Variants in RNF144B observed in about 807,000 individuals in gnomAD.
RNF144B encodes E3 ubiquitin-protein ligase RNF144B.
In RNF144B, 25 loss-of-function variants were observed where a neutral mutation model predicts 40.2. The ratio of observed to expected loss-of-function variants is 0.62; its 90% CI spans 0.45 to 0.87. RNF144B has a LOEUF of 0.87. RNF144B is among the 40% of genes least tolerant of loss of function. The pLI is 0.00. For synonymous variants in RNF144B, 145 were observed against 136.3 expected, an observed-to-expected ratio of 1.06 and a Z score of -0.44; for missense variants, 365 against 373.7, an observed-to-expected ratio of 0.98 and a Z score of 0.19.
At chr6:18,396,455 T>C in intron 1 of RNF144B, 1 of 984,016 alleles carries the variant, frequency 1.0e-6, no homozygotes, top group Non-Finnish European at 1.2e-6. Context: ...TACTTGGATT[T>C]CTCGAAGAGT....
At position 18,465,207 on chromosome 6, in the gene RNF144B, G is replaced by C. The variant is rs1006779339; in HGVS notation, c.*140G>C. On this transcript the variant is annotated 3_prime_UTR_variant, in exon 8 of 8. Coordinates refer to ENST00000259939, the MANE Select transcript of RNF144B (RefSeq NM_182757.4). ...GTCCAGACTTTGAACTTGCCTGCCA[G>C]CCTTCAGCATCAGGAAAGGCCAAGT... is the stretch of plus-strand genomic sequence containing the variant. 2.0e-5 allele frequency: 16 copies of C among 805,802 alleles called. No individual in the cohort carries two copies. In the African/African-American group the frequency reaches 2.6e-4, roughly 13 times the overall value. The allele number at this position is 805,802 out of a possible 1,614,324, so 49.9% of individuals were successfully genotyped here.
intron 3 of RNF144B, among the ~76,000 whole-genome samples, chr6:18,429,522 G>A (rs114087110): frequency 1.2e-4 from 19 of 152,226 alleles, no homozygotes; most frequent in African/African-American, 4.6e-4. Context: ...AGTATAAAAG[G>A]AATATCTGTT....
Position 18,457,420 on chromosome 6 carries a change from C to T in RNF144B, c.536+61C>T. ...TAGTTTTCTTAGAAATTCAACATAC[C>T]TTACGTGTAGAAGGAGTTACGTTGT... On this transcript the variant is annotated intron_variant, in intron 5 of 7. Transcript: ENST00000259939. The surrounding 1 kb of genome is among the most constrained non-coding windows in gnomAD (Gnocchi z 5.1). 1 of 1,268,634 alleles carries T rather than the reference C, an allele frequency of 7.9e-7. No individual in the cohort carries two copies. Among genetic ancestry groups the T allele is most frequent in the South Asian group, 1.2e-5 (1 of 83,972 alleles). The allele number at this position is 1,268,634 out of a possible 1,614,324, so 78.6% of individuals were successfully genotyped here. A position where few individuals can be genotyped will look rare whatever the true frequency, so the allele number is the denominator to read the frequency against.
rs1190645138 is a variant in RNF144B at position 18,459,721 on chromosome 6, A to C, written c.651A>C (p.Thr217=). 1.1e-5 allele frequency: 18 copies of C among 1,613,932 alleles called. No individual in the cohort carries two copies. Among genetic ancestry groups the C allele is most frequent in the Non-Finnish European group, 1.5e-5 (18 of 1,179,950 alleles). The part of the protein sequence containing the change: ...AQMMCKNCKH[T]FCWYCLQNLD... ...TGATGTGCAAAAACTGCAAGCATAC[A>C]TTTTGCTGGTACTGCCTCCAGAACT... The change falls in exon 6 of 8, where the codon ACA becomes ACC. Residue 217 remains threonine (T), a synonymous_variant. Coordinates refer to ENST00000259939, the MANE Select transcript of RNF144B (RefSeq NM_182757.4). The surrounding 1 kb of genome is among the most constrained non-coding windows in gnomAD (Gnocchi z 4.2).
chr6:18,446,806 A>G lies in RNF144B; in HGVS notation c.331+7062A>G, dbSNP rs1011587208. Among the ~76,000 whole-genome samples, 7 of 151,190 alleles carry G rather than the reference A, an allele frequency of 4.6e-5. No individual in the cohort carries two copies. Among genetic ancestry groups the G allele is most frequent in the African/African-American group, 1.7e-4 (7 of 40,940 alleles). ...AGGGATGCTGCTCAACATCTAATGC[A>G]TCATTCATTAAAGTTTTATTGGTTC... On this transcript the variant is annotated intron_variant, in intron 4 of 7. Transcript: ENST00000259939. This position sits in a 1 kb window ranked among gnomAD's most constrained non-coding sequence, Gnocchi z 4.7.
intron 2 of RNF144B, among the ~76,000 whole-genome samples, chr6:18,409,880 T>G (rs773171224): frequency 6.6e-6 from 1 of 152,148 alleles, no homozygotes; most frequent in Non-Finnish European, 1.5e-5. Flanking sequence ...CTACATAACA[T>G]TTTTTACTTC....
rs1473211567 is a variant in RNF144B, at chr6:18,398,701, T to C, written c.-36-798T>C. ...GAGCCACTGCGCCCAGCCTCATTCT[T>C]CTGCTGATGGACACTTGGGTTGCCT... is the stretch of plus-strand genomic sequence containing the variant. On this transcript the variant is annotated intron_variant, in intron 1 of 7. Transcript: ENST00000259939. This position sits in a 1 kb window ranked among gnomAD's most constrained non-coding sequence, Gnocchi z 5.0. Among the ~76,000 whole-genome samples, 1 of 152,182 alleles carries C rather than the reference T, an allele frequency of 6.6e-6. No individual in the cohort carries two copies. Among genetic ancestry groups the C allele is most frequent in the Non-Finnish European group, 1.5e-5 (1 of 68,032 alleles).
chr6:18,429,718 G>A (rs1485320223), intron 3 of RNF144B, among the ~76,000 whole-genome samples: 1 of 152,186 alleles, frequency 6.6e-6, no homozygotes, highest in Admixed American at 6.5e-5. Context: ...TTTAAAATGA[G>A]TCTTGGGTAT....
In RNF144B at chr6:18,442,086, G is replaced by T. The variant is rs12203130; in HGVS notation, c.331+2342G>T. On this transcript the variant is annotated intron_variant, in intron 4 of 7. Coordinates refer to ENST00000259939, the MANE Select transcript of RNF144B (RefSeq NM_182757.4). The surrounding 1 kb of genome is among the most constrained non-coding windows in gnomAD (Gnocchi z 4.3). The stretch of plus-strand genomic sequence containing the variant: ...TTGAAGTTAATTGGCAACATCCATC[G>T]TTATGTGGGGCAAGGTAGATGTGGA... Among the ~76,000 whole-genome samples, 18,996 of 152,140 alleles carry T rather than the reference G, an allele frequency of 0.12. 1,364 individuals are homozygous for T. The highest frequency in any genetic ancestry group is 0.19 in the Admixed American group (2,955 of 15,282).
rs537526368 is a variant in RNF144B at position 18,410,900 on chromosome 6, G to A, written c.165+11201G>A. Among the ~76,000 whole-genome samples, 24 of 152,164 alleles carry A rather than the reference G, an allele frequency of 1.6e-4. No homozygotes were observed. The highest frequency in any genetic ancestry group is 3.2e-4 in the Non-Finnish European group (22 of 68,002). On this transcript the variant is annotated intron_variant, in intron 2 of 7. Coordinates refer to ENST00000259939, the MANE Select transcript of RNF144B (RefSeq NM_182757.4). The surrounding 1 kb of genome is among the most constrained non-coding windows in gnomAD (Gnocchi z 4.6). ...GCAGACTGCAGTTTTGATGCCTGGA[G>A]TATTTAAATTATTTTTGTGCCCCAA... is the stretch of plus-strand genomic sequence containing the variant.
At chr6:18,415,982 C>A (rs1187495886) in intron 2 of RNF144B, among the ~76,000 whole-genome samples, 1 of 151,990 alleles carries the variant, frequency 6.6e-6, no homozygotes, top group African/African-American at 2.4e-5. Flanking sequence ...ATGCTGAATC[C>A]GTGGTATGCT....
intron 4 of RNF144B, 44 bp downstream of exon 4, chr6:18,439,788 A>C (rs79723460): frequency 1.5e-6 from 2 of 1,359,330 alleles, no homozygotes; most frequent in Admixed American, 3.4e-5. Flanking sequence ...GTGGTTTTAC[A>C]TGTGTCATTT....
chr6:18,460,626 G>T lies in RNF144B; in HGVS notation c.681+875G>T, dbSNP rs183825703. On this transcript the variant is annotated intron_variant, in intron 6 of 7. Coordinates refer to ENST00000259939, the MANE Select transcript of RNF144B (RefSeq NM_182757.4). This position sits in a 1 kb window ranked among gnomAD's most constrained non-coding sequence, Gnocchi z 4.4. Reference sequence around the variant, plus strand: ...CATGCTCTCTTGCATGCTCTCACTCGCTCTCTCTCTCTCTTGTTCATGAGC... The same window carrying T: ...CATGCTCTCTTGCATGCTCTCACTCTCTCTCTCTCTCTCTTGTTCATGAGC... 6.6e-6 allele frequency among the ~76,000 whole-genome samples: 1 copy of T among 150,910 alleles called. No homozygotes were observed. The highest frequency in any genetic ancestry group is 1.5e-5 in the Non-Finnish European group (1 of 67,704).
At chr6:18,436,280 G>T (rs1758822807) in intron 3 of RNF144B, among the ~76,000 whole-genome samples, 1 of 152,140 alleles carries the variant, frequency 6.6e-6, no homozygotes, top group Non-Finnish European at 1.5e-5. Context: ...ATAAATTGAA[G>T]AACTGTCCCA....
chr6:18,413,624 G>C (rs751952748), intron 2 of RNF144B, among the ~76,000 whole-genome samples: 5 of 152,212 alleles, frequency 3.3e-5, no homozygotes, highest in African/African-American at 4.8e-5. Flanking sequence ...AAGGTTCAAG[G>C]CCAGGCATTC....
At chr6:18,462,642 G>C (rs1377493765) in intron 6 of RNF144B, among the ~76,000 whole-genome samples, 1 of 149,152 alleles carries the variant, frequency 6.7e-6, no homozygotes, top group Non-Finnish European at 1.5e-5. Flanking sequence ...CCCTGAGCTA[G>C]TTTCTCTGCT....
chr6:18,459,456 G>A lies in RNF144B; in HGVS notation c.537-151G>A. The A allele has an allele frequency of 1.6e-6, 1 of 640,400 alleles. No homozygotes were observed. The highest frequency in any genetic ancestry group is 2.4e-5 in the South Asian group (1 of 41,626). The allele number at this position is 640,400 out of a possible 1,614,324, so 39.7% of individuals were successfully genotyped here. On this transcript the variant is annotated intron_variant, in intron 5 of 7. Coordinates refer to ENST00000259939, the MANE Select transcript of RNF144B (RefSeq NM_182757.4). The surrounding 1 kb of genome is among the most constrained non-coding windows in gnomAD (Gnocchi z 4.2). ...AGATTCCTTCTTGTATGAGTTATCT[G>A]TACATCTAATAATGTTTTTGCCCAC...
chr6:18,396,512 C>T, intron 1 of RNF144B: 1 of 985,188 alleles, frequency 1.0e-6, no homozygotes, highest in Middle Eastern at 5.2e-4. Flanking sequence ...GCTATTCACA[C>T]CAGCTTTCTC....
chr6:18,458,112 A>G lies in RNF144B; in HGVS notation c.536+753A>G, dbSNP rs1319346880. On this transcript the variant is annotated intron_variant, in intron 5 of 7. Transcript: ENST00000259939. The surrounding 1 kb of genome is among the most constrained non-coding windows in gnomAD (Gnocchi z 4.8). Reference sequence around the variant, plus strand: ...GCCACCACGCCTGGCTAATTTTTCTATTTTTAGTAGAGATGGGGTTTCACC... The same window carrying G: ...GCCACCACGCCTGGCTAATTTTTCTGTTTTTAGTAGAGATGGGGTTTCACC... Among the ~76,000 whole-genome samples the G allele has an allele frequency of 2.6e-5, 4 of 151,786 alleles. No individual in the cohort carries two copies. Among genetic ancestry groups the G allele is most frequent in the Non-Finnish European group, 5.9e-5 (4 of 67,956 alleles).
Sources: allele counts gnomAD v4.1 joint callset (sites outside exome capture counted in the v4.1 genomes callset), GRCh38; gene constraint gnomAD v4.1.1; non-coding constraint Gnocchi (gnomAD v3.1); transcripts MANE v1.5; gene names NCBI Gene and HGNC (gene_info 2026-07-23, HGNC 2026-07-21).